LDAH: variants seen among roughly 807,000 people sequenced by gnomAD.
LDAH encodes lipid droplet-associated hydrolase.
A neutral mutation model predicts 29.6 loss-of-function variants in LDAH; 26 were observed. The observed-to-expected ratio is 0.88, with a 90% CI of 0.64 to 1.22. The LOEUF (loss-of-function observed/expected upper bound fraction) is 1.22, where lower values mean the gene tolerates loss of function less well. Among genes scored for constraint, LDAH ranks in the 50% most tolerant of loss-of-function variants. The pLI is 0.00. For missense variants in LDAH, 344 were observed against 387.3 expected (o/e 0.89, Z 0.94); for synonymous variants, 117 against 133.0 (o/e 0.88, Z 0.83).
intron 2 of LDAH, among the ~76,000 whole-genome samples, chr2:20,794,715 T>C (rs896983765): frequency 6.6e-6 from 1 of 152,210 alleles, no homozygotes; most frequent in South Asian, 2.1e-4. Flanking sequence ...CATTGTAGCA[T>C]GTATAACGTA....
intron 5 of LDAH, 73 bp downstream of exon 5, chr2:20,739,898 C>A: frequency 9.4e-7 from 1 of 1,063,310 alleles, no homozygotes; most frequent in Non-Finnish European, 1.3e-6. Context: ...GATATTTGTC[C>A]ACTGTCAGAG....
At chr2:20,711,877 G>A (rs914310182) in intron 5 of LDAH, among the ~76,000 whole-genome samples, 7 of 152,184 alleles carry the variant, frequency 4.6e-5, no homozygotes, top group African/African-American at 7.2e-5. Context: ...CAAACAAAGC[G>A]GCCAGAAAGC....
chr2:20,715,418 A>G lies in LDAH; in HGVS notation c.704-13766T>C, dbSNP rs375585030. ...AACTACTTATGACAAACCCACAGCC[A>G]GTATCACACTGAATGGGCAAAAATT... On this transcript the variant is annotated intron_variant, in intron 5 of 6. Transcript: ENST00000237822. 1.5e-3 allele frequency among the ~76,000 whole-genome samples: 226 copies of G among 152,352 alleles called. 4 individuals are homozygous for G. The South Asian group carries it at 0.043, about 29-fold the overall frequency.
Position 20,800,352 on chromosome 2 carries a change from T to C in LDAH, c.154+958A>G, listed in dbSNP as rs192581865. ...AAAGATTCTTGTCACGTATGACAGA[T>C]ATAACACAATTTTACAGTTGTGTAA... On this transcript the variant is annotated intron_variant, in intron 2 of 6. Coordinates refer to ENST00000237822, the MANE Select transcript of LDAH (RefSeq NM_021925.4). Among the ~76,000 whole-genome samples the C allele has an allele frequency of 1.7e-3, 256 of 152,338 alleles. 1 individual carries two copies. The highest frequency in any genetic ancestry group is 5.8e-3 in the African/African-American group (240 of 41,580).
At chr2:20,694,694 A>G (rs1663301667) in intron 6 of LDAH, among the ~76,000 whole-genome samples, 2 of 152,238 alleles carry the variant, frequency 1.3e-5, no homozygotes, top group African/African-American at 2.4e-5. Flanking sequence ...CTGCAGGCAC[A>G]GAGGGGAGCG....
At chr2:20,782,304 T>A (rs1374600546) in intron 3 of LDAH, among the ~76,000 whole-genome samples, 3 of 152,174 alleles carry the variant, frequency 2.0e-5, no homozygotes, top group Non-Finnish European at 4.4e-5. Flanking sequence ...ATCCTCTGAG[T>A]CTGTTTTCAA....
intron 4 of LDAH, among the ~76,000 whole-genome samples, chr2:20,745,137 T>C (rs193088536): frequency 1.6e-4 from 24 of 152,346 alleles, no homozygotes; most frequent in Admixed American, 1.5e-3. Flanking sequence ...TTTTGGTGCA[T>C]GTATGCATGT....
chr2:20,817,209 T>C (rs1672910976), intron 1 of LDAH, among the ~76,000 whole-genome samples: 1 of 151,804 alleles, frequency 6.6e-6, no homozygotes, highest in South Asian at 2.1e-4. Context: ...CAGAAATCAA[T>C]GACATTAAAA....
intron 5 of LDAH, among the ~76,000 whole-genome samples, chr2:20,735,476 A>G (rs1006899871): frequency 6.6e-6 from 1 of 151,278 alleles, no homozygotes; most frequent in Non-Finnish European, 1.5e-5. Context: ...CTCTTTCCTA[A>G]GATTTTCTAT....
rs186579447 is a variant in LDAH, at chr2:20,776,052, G to T, written c.299-1073C>A. Among the ~76,000 whole-genome samples the T allele has an allele frequency of 1.4e-3, 214 of 152,254 alleles. 1 individual carries two copies. The highest frequency in any genetic ancestry group is 5.0e-3 in the African/African-American group (208 of 41,544). ...AACATATATATAACCCAATGACAGG[G>T]TGTAATATTTCAAAATATCACAAGA... On this transcript the variant is annotated intron_variant, in intron 3 of 6. Coordinates refer to ENST00000237822, the MANE Select transcript of LDAH (RefSeq NM_021925.4).
chr2:20,692,512 C>T (rs537847618), intron 6 of LDAH, among the ~76,000 whole-genome samples: 7 of 152,214 alleles, frequency 4.6e-5, no homozygotes, highest in Non-Finnish European at 1.0e-4. Context: ...TCTGAATTAT[C>T]TGTCTATTCA....
At position 20,698,110 on chromosome 2, in the gene LDAH, G is replaced by GT. The variant is rs1332169333; in HGVS notation, c.786+3459_786+3460insA. 6.6e-6 allele frequency among the ~76,000 whole-genome samples: 1 copy of GT among 152,110 alleles called. No individual in the cohort carries two copies. The highest frequency in any genetic ancestry group is 6.5e-5 in the Admixed American group (1 of 15,280). On this transcript the variant is annotated intron_variant, in intron 6 of 6. Coordinates refer to ENST00000237822, the MANE Select transcript of LDAH (RefSeq NM_021925.4). The surrounding 1 kb of genome is among the most constrained non-coding windows in gnomAD (Gnocchi z 4.4). ...CGAAAGAGATGCATGGCACAAAAAA[G>GT]GTTTAGAATCCACACTCTAGTTAAT...
At chr2:20,770,683 C>A (rs1669353221) in intron 4 of LDAH, among the ~76,000 whole-genome samples, 1 of 152,220 alleles carries the variant, frequency 6.6e-6, no homozygotes, top group African/African-American at 2.4e-5. Context: ...GGAGCACCAA[C>A]ACAATGAGTC....
At chr2:20,797,925 A>T (rs1037230660) in intron 2 of LDAH, among the ~76,000 whole-genome samples, 6 of 152,208 alleles carry the variant, frequency 3.9e-5, no homozygotes, top group Non-Finnish European at 8.8e-5. Flanking sequence ...AAACAGTCAC[A>T]CCAAGGTGCT....
chr2:20,810,769 C>T (rs1335437425), intron 1 of LDAH, among the ~76,000 whole-genome samples: 1 of 152,204 alleles, frequency 6.6e-6, no homozygotes, highest in African/African-American at 2.4e-5. Context: ...AAGCGGCAAG[C>T]AAGCATTACT....
At chr2:20,701,096 AGC>A (rs1663901548) in intron 6 of LDAH, among the ~76,000 whole-genome samples, 1 of 152,192 alleles carries the variant, frequency 6.6e-6, no homozygotes, top group African/African-American at 2.4e-5. Context: ...TAGTATTTGC[AGC>A]ATAACTCCCA....
chr2:20,701,635 C>A lies in LDAH; in HGVS notation c.721G>T (p.Gly241Trp). Residue 241 changes from glycine to tryptophan, a missense_variant, in exon 6 of 7, where the codon GGG becomes TGG. Gly to Trp is a radical substitution (Grantham distance 184). Transcript: ENST00000237822. ...ACCACCTCCATCATTTCTTGGCCCC[C>A]AAGGTAGGCAGCATTAGCTACATTT... is the stretch of plus-strand genomic sequence containing the variant. ...PFCLANAAYL[G>W]GQEMMEVVKR... 6.2e-7 allele frequency: 1 copy of A among 1,613,918 alleles called. No individual in the cohort carries two copies. The highest frequency in any genetic ancestry group is 8.5e-7 in the Non-Finnish European group (1 of 1,179,906).
rs70939051 is a variant in LDAH at position 20,755,129 on chromosome 2, TTGTGTGTG to T, written c.469-14932_469-14925del. On this transcript the variant is annotated intron_variant, in intron 4 of 6. Transcript: ENST00000237822. ...AAGAAGAAATATTGTGTGTCTGTGT[TTGTGTGTG>T]TGTGTGTGTGTGTGTGTGTGTGTGT... is the stretch of plus-strand genomic sequence containing the variant. Among the ~76,000 whole-genome samples, 227 of 118,296 alleles carry T rather than the reference TTGTGTGTG, an allele frequency of 1.9e-3. 1 individual carries two copies. Among genetic ancestry groups the T allele is most frequent in the Non-Finnish European group, 2.9e-3 (159 of 54,450 alleles). 77.6% of individuals were successfully genotyped at this position (118,296 alleles called of 152,430 possible). A position where few individuals can be genotyped will look rare whatever the true frequency, so the allele number is the denominator to read the frequency against.
At chr2:20,709,993 A>G (rs1163236888) in intron 5 of LDAH, among the ~76,000 whole-genome samples, 1 of 152,202 alleles carries the variant, frequency 6.6e-6, no homozygotes, top group East Asian at 1.9e-4. Flanking sequence ...CAATTATTTC[A>G]GTTTCCATTG....
Sources: gnomAD v4.1 joint callset for allele counts (sites outside exome capture counted in the v4.1 genomes callset) on GRCh38, gnomAD v4.1.1 for gene constraint, Gnocchi (gnomAD v3.1) non-coding constraint, MANE v1.5 for transcripts, NCBI Gene and HGNC (gene_info 2026-07-23, HGNC 2026-07-21) for gene names.